Variants in UPF2 observed in about 807,000 individuals in gnomAD.
UPF2 encodes the protein UPF2 regulator of nonsense mediated mRNA decay.
Under a neutral mutation model 141.4 loss-of-function variants are expected in UPF2, and 17 were observed. That is an observed-to-expected ratio of 0.12 (90% confidence interval 0.08 to 0.18). The LOEUF is 0.18. Ranked by LOEUF, UPF2 falls within the 10% of genes least tolerant of loss-of-function variation. UPF2 has a pLI of 1.00. For synonymous variants in UPF2, 540 were observed against 498.0 expected (o/e 1.08, Z -1.12); for missense variants, 1,152 against 1,515.9 (o/e 0.76, Z 3.99).
At chr10:11,932,876 T>C (rs1832799542) in intron 19 of UPF2, among the ~76,000 whole-genome samples, 1 of 152,146 alleles carries the variant, frequency 6.6e-6, no homozygotes, top group Admixed American at 6.5e-5. Flanking sequence ...AACAAATAAC[T>C]CCTTATATAA....
chr10:11,994,975 CAAAAAAAAAAA>C (rs60922532), intron 8 of UPF2, among the ~76,000 whole-genome samples: 37 of 51,360 alleles, frequency 7.2e-4, no homozygotes, highest in Admixed American at 2.4e-3. Flanking sequence ...GACTCCATCT[CAAAAAAAAAAA>C]AAAAAAAAAA....
At chr10:11,945,961 T>A (rs1832995289) in intron 16 of UPF2, among the ~76,000 whole-genome samples, 1 of 152,146 alleles carries the variant, frequency 6.6e-6, no homozygotes, top group Admixed American at 6.6e-5. Flanking sequence ...AACCTCATTT[T>A]GAAAACAAAG....
intron 4 of UPF2, among the ~76,000 whole-genome samples, chr10:12,013,732 T>C (rs1034942247): frequency 6.6e-6 from 1 of 152,192 alleles, no homozygotes; most frequent in Non-Finnish European, 1.5e-5. Flanking sequence ...TTTTCAAGGT[T>C]ATCAATAGGT....
At position 11,939,556 on chromosome 10, in the gene UPF2, C is replaced by G. The variant is rs1306335931; in HGVS notation, c.3379-2844G>C. Among the ~76,000 whole-genome samples the G allele has an allele frequency of 2.6e-5, 4 of 151,922 alleles. No individual in the cohort carries two copies. On this transcript the variant is annotated intron_variant, in intron 18 of 21. Transcript: ENST00000357604. This position sits in a 1 kb window ranked among gnomAD's most constrained non-coding sequence, Gnocchi z 4.8. ...AAGACGAAGTCTCGCTCTTGTCTCC[C>G]CCGGCTGGAGTGCAATGGCGTGATC...
rs72775999 is a variant in UPF2, at chr10:11,943,046, T to A, written c.3279+18A>T. On this transcript the variant is annotated intron_variant, in intron 17 of 21. Coordinates refer to ENST00000357604, the MANE Select transcript of UPF2 (RefSeq NM_015542.4). ...ATGCTGCACAATTTCAAAAAGTAAA[T>A]TTTTCAGCCATACGTACAGTATTCT... 2.1e-4 allele frequency: 323 copies of A among 1,572,280 alleles called. No individual in the cohort carries two copies. The highest frequency in any genetic ancestry group is 2.7e-4 in the Non-Finnish European group (315 of 1,150,180).
At chr10:11,995,847 T>C (rs1250642910) in intron 8 of UPF2, among the ~76,000 whole-genome samples, 1 of 152,110 alleles carries the variant, frequency 6.6e-6, no homozygotes, top group Non-Finnish European at 1.5e-5. Flanking sequence ...TCCCTGCACA[T>C]ACTGTTGCCT....
At chr10:12,010,659 G>A (rs984769629) in intron 4 of UPF2, among the ~76,000 whole-genome samples, 16 of 152,100 alleles carry the variant, frequency 1.1e-4, no homozygotes, top group Admixed American at 6.6e-5. Context: ...GAAGGAAAGA[G>A]AAAACACAAT....
intron 6 of UPF2, among the ~76,000 whole-genome samples, chr10:12,000,957 T>C (rs1299289153): frequency 1.3e-5 from 2 of 152,240 alleles, no homozygotes; most frequent in Non-Finnish European, 2.9e-5. Flanking sequence ...AAGCTAGTCA[T>C]ATTCCCACCT....
At chr10:11,983,812 T>C (rs1833640267) in intron 8 of UPF2, among the ~76,000 whole-genome samples, 1 of 152,242 alleles carries the variant, frequency 6.6e-6, no homozygotes, top group African/African-American at 2.4e-5. Flanking sequence ...TTTTAATATA[T>C]GAAATAACAC....
At chr10:11,938,131 A>G (rs1832877471) in intron 18 of UPF2, among the ~76,000 whole-genome samples, 1 of 152,142 alleles carries the variant, frequency 6.6e-6, no homozygotes, top group Non-Finnish European at 1.5e-5. Context: ...TTTTTCTTGC[A>G]TATACTAATA....
At chr10:11,958,827 C>T (rs557699057) in intron 12 of UPF2, among the ~76,000 whole-genome samples, 61 of 152,186 alleles carry the variant, frequency 4.0e-4, no homozygotes, top group African/African-American at 1.3e-3. Flanking sequence ...CCTCTTATAA[C>T]GTCTACTAAA....
intron 16 of UPF2, among the ~76,000 whole-genome samples, chr10:11,944,266 G>T (rs1489591381): frequency 1.3e-5 from 2 of 152,192 alleles, no homozygotes; most frequent in Non-Finnish European, 2.9e-5. Flanking sequence ...GAAGGCTGAG[G>T]TCAGGGGATC....
chr10:11,958,585 TTA>T (rs1833191700), intron 12 of UPF2, among the ~76,000 whole-genome samples: 1 of 152,242 alleles, frequency 6.6e-6, no homozygotes, highest in Admixed American at 6.5e-5. Context: ...CTACCCTGTA[TTA>T]TATGTCAAGT....
chr10:11,964,331 G>C (rs1176537820), intron 10 of UPF2, among the ~76,000 whole-genome samples: 1 of 152,158 alleles, frequency 6.6e-6, no homozygotes, highest in Non-Finnish European at 1.5e-5. Context: ...TTCACAGAAA[G>C]ATATGTGGAA....
intron 21 of UPF2, among the ~76,000 whole-genome samples, 178 bp downstream of exon 21, chr10:11,929,687 T>C (rs1425534132): frequency 6.6e-6 from 1 of 152,226 alleles, no homozygotes; most frequent in African/African-American, 2.4e-5. Context: ...CATACTATGG[T>C]ATAAAGCAGG....
At chr10:12,033,454 G>C (rs528818749) in intron 2 of UPF2, among the ~76,000 whole-genome samples, 2 of 152,226 alleles carry the variant, frequency 1.3e-5, no homozygotes, top group Non-Finnish European at 2.9e-5. Flanking sequence ...GATGGCTTGA[G>C]CCTGGGAGGT....
rs1372946139 is a variant in UPF2 at position 11,939,053 on chromosome 10, C to G, written c.3379-2341G>C. 2.6e-5 allele frequency among the ~76,000 whole-genome samples: 4 copies of G among 151,456 alleles called. No individual in the cohort carries two copies. Among genetic ancestry groups the G allele is most frequent in the Admixed American group, 2.6e-4 (4 of 15,212 alleles). ...ACAACCAGCTAATTTTTTGTATTTA[C>G]TGGAGACGGGGTTTCACCGTGTTAG... On this transcript the variant is annotated intron_variant, in intron 18 of 21. Transcript: ENST00000357604. The surrounding 1 kb of genome is among the most constrained non-coding windows in gnomAD (Gnocchi z 4.8).
intron 8 of UPF2, among the ~76,000 whole-genome samples, chr10:11,982,099 C>G (rs943777574): frequency 5.9e-5 from 9 of 151,488 alleles, no homozygotes; most frequent in Admixed American, 5.3e-4. Context: ...TTAATTTACA[C>G]TGAGATTAAA....
intron 8 of UPF2, among the ~76,000 whole-genome samples, chr10:11,987,414 A>T (rs1488223176): frequency 2.0e-5 from 3 of 152,204 alleles, no homozygotes; most frequent in African/African-American, 7.2e-5. Context: ...CTATAAAATA[A>T]AATGCAAATA....
Sources: gnomAD v4.1 joint callset for allele counts (sites outside exome capture counted in the v4.1 genomes callset) on GRCh38, gnomAD v4.1.1 for gene constraint, Gnocchi (gnomAD v3.1) non-coding constraint, MANE v1.5 for transcripts, NCBI Gene and HGNC (gene_info 2026-07-23, HGNC 2026-07-21) for gene names.